The following TAFA2 variants were observed in gnomAD, a reference collection of about 807,000 sequenced individuals.
The protein encoded by TAFA2 is TAFA chemokine like family member 2.
A neutral mutation model predicts 18.8 loss-of-function variants in TAFA2; 7 were observed. The observed-to-expected ratio is 0.37, with a 90% CI of 0.21 to 0.70. The LOEUF (loss-of-function observed/expected upper bound fraction) is 0.70. Among genes scored for constraint, TAFA2 ranks in the 30% least tolerant of loss-of-function variants. The pLI is 0.53. For synonymous variants in TAFA2, 60 were observed against 54.2 expected (o/e 1.11, Z -0.47); for missense variants, 122 against 158.1 (o/e 0.77, Z 1.23).
chr12:61,750,697 A>G (rs532594420), intron 4 of TAFA2, among the ~76,000 whole-genome samples: 2 of 152,254 alleles, frequency 1.3e-5, no homozygotes, highest in South Asian at 2.1e-4. Flanking sequence ...GCTGACTGCT[A>G]TTTATTTAAC....
At chr12:62,170,716 C>A (rs1048733451) in intron 1 of TAFA2, among the ~76,000 whole-genome samples, 1 of 152,112 alleles carries the variant, frequency 6.6e-6, no homozygotes, top group Non-Finnish European at 1.5e-5. Flanking sequence ...GTAACCATTA[C>A]CTGAATAATG....
At chr12:62,085,776 C>T (rs1868425753) in intron 1 of TAFA2, among the ~76,000 whole-genome samples, 1 of 152,030 alleles carries the variant, frequency 6.6e-6, no homozygotes, top group African/African-American at 2.4e-5. Context: ...CTGTAAGATT[C>T]TGATATGGTT....
At chr12:62,118,006 G>A (rs1267197476) in intron 1 of TAFA2, among the ~76,000 whole-genome samples, 1 of 151,994 alleles carries the variant, frequency 6.6e-6, no homozygotes, top group African/African-American at 2.4e-5. Context: ...AATGTGATAA[G>A]TACACATGAA....
At chr12:62,063,010 T>C (rs545827012) in intron 1 of TAFA2, among the ~76,000 whole-genome samples, 5 of 152,234 alleles carry the variant, frequency 3.3e-5, no homozygotes, top group African/African-American at 1.2e-4. Context: ...ACTGCTTTGA[T>C]GGACTCATGA....
intron 2 of TAFA2, among the ~76,000 whole-genome samples, chr12:61,837,724 G>A (rs1872992840): frequency 6.6e-6 from 1 of 151,944 alleles, no homozygotes; most frequent in Admixed American, 6.6e-5. Context: ...CTGCGTTCCT[G>A]AAACTTACAT....
chr12:61,906,820 A>C (rs1211432541), intron 1 of TAFA2, among the ~76,000 whole-genome samples: 1 of 152,198 alleles, frequency 6.6e-6, no homozygotes, highest in East Asian at 1.9e-4. Context: ...ACTGGAGTAA[A>C]GGTAATGCTT....
chr12:62,080,075 G>C (rs2136818391), intron 1 of TAFA2, among the ~76,000 whole-genome samples: 1 of 152,314 alleles, frequency 6.6e-6, no homozygotes, highest in East Asian at 1.9e-4. Flanking sequence ...GCAGAATTCA[G>C]TTCCTTGAAG....
intron 1 of TAFA2, among the ~76,000 whole-genome samples, chr12:62,037,614 T>C (rs1016827651): frequency 2.0e-5 from 3 of 152,184 alleles, no homozygotes; most frequent in Admixed American, 6.5e-5. Flanking sequence ...ACTACAGACT[T>C]ATGGAATAAA....
chr12:62,097,221 A>T (rs186096280), intron 1 of TAFA2, among the ~76,000 whole-genome samples: 3 of 152,274 alleles, frequency 2.0e-5, no homozygotes, highest in Admixed American at 2.0e-4. Context: ...ACAAACAAAT[A>T]TAGCATTAGA....
At chr12:62,019,831 A>G (rs139751670) in intron 1 of TAFA2, among the ~76,000 whole-genome samples, 2 of 152,058 alleles carry the variant, frequency 1.3e-5, no homozygotes, top group Non-Finnish European at 2.9e-5. Context: ...AAAAAATTTA[A>G]AAAAATAGAA....
intron 1 of TAFA2, among the ~76,000 whole-genome samples, chr12:62,132,358 C>T (rs900090483): frequency 7.3e-5 from 11 of 151,682 alleles, no homozygotes; most frequent in African/African-American, 2.7e-4. Context: ...TATCTATTTC[C>T]TCTCTCCTGT....
chr12:62,139,585 A>C (rs1358871457), intron 1 of TAFA2, among the ~76,000 whole-genome samples: 1 of 152,218 alleles, frequency 6.6e-6, no homozygotes, highest in Admixed American at 6.5e-5. Context: ...AGAAGAAGGG[A>C]TACTTTAGCC....
intron 2 of TAFA2, 29 bp downstream of exon 2, chr12:61,867,291 T>C: frequency 1.5e-6 from 2 of 1,344,850 alleles, no homozygotes; most frequent in East Asian, 2.4e-5. Context: ...CATCCACATT[T>C]AGTTGAAAAA....
intron 1 of TAFA2, among the ~76,000 whole-genome samples, chr12:62,130,709 G>A (rs1870647788): frequency 6.6e-6 from 1 of 151,932 alleles, no homozygotes; most frequent in Non-Finnish European, 1.5e-5. Flanking sequence ...CCACATAATG[G>A]TCTTCTCTAA....
chr12:61,933,200 T>C (rs777339685), intron 1 of TAFA2, among the ~76,000 whole-genome samples: 9 of 152,268 alleles, frequency 5.9e-5, no homozygotes, highest in Non-Finnish European at 8.8e-5. Context: ...ACCTCCATAG[T>C]ATCAAGGAAG....
chr12:61,980,598 C>A (rs930159112), intron 1 of TAFA2, among the ~76,000 whole-genome samples: 1 of 152,216 alleles, frequency 6.6e-6, no homozygotes, highest in East Asian at 1.9e-4. Flanking sequence ...TGATAAGCAA[C>A]TTCAGCAAAG....
chr12:61,876,305 G>T (rs1469289001), intron 1 of TAFA2, among the ~76,000 whole-genome samples: 1 of 152,140 alleles, frequency 6.6e-6, no homozygotes, highest in Non-Finnish European at 1.5e-5. Flanking sequence ...TCTCCTGCAT[G>T]CTGGCAAAGG....
intron 1 of TAFA2, among the ~76,000 whole-genome samples, chr12:61,987,468 G>A (rs1204720327): frequency 4.6e-5 from 7 of 152,030 alleles, no homozygotes; most frequent in African/African-American, 9.7e-5. Context: ...TTCCACAGCC[G>A]GAGTAACATG....
chr12:61,850,463 C>T (rs986558726), intron 2 of TAFA2, among the ~76,000 whole-genome samples: 2 of 151,866 alleles, frequency 1.3e-5, no homozygotes, highest in Admixed American at 6.6e-5. Context: ...GAAACAAATA[C>T]TTTTCAATTA....
Sources: allele counts gnomAD v4.1 joint callset (sites outside exome capture counted in the v4.1 genomes callset), GRCh38; gene constraint gnomAD v4.1.1; transcripts MANE v1.5; gene names NCBI Gene and HGNC (gene_info 2026-07-23, HGNC 2026-07-21).